Variants in OSBPL6 observed in about 807,000 individuals in gnomAD.
OSBPL6 encodes the protein oxysterol-binding protein-related protein 6.
OSBPL6 carries 49 observed loss-of-function variants against 125.8 expected under a neutral mutation model. That is an observed-to-expected ratio of 0.39 (90% CI 0.31 to 0.49). The LOEUF (loss-of-function observed/expected upper bound fraction) is 0.49, where lower values mean the gene tolerates loss of function less well. OSBPL6 is among the 20% of genes least tolerant of loss of function. The pLI, the probability that OSBPL6 is intolerant of heterozygous loss-of-function variation, is 0.88. For missense variants in OSBPL6, 986 were observed against 1,135.4 expected (o/e 0.87, Z 1.89); for synonymous variants, 394 against 391.8 (o/e 1.01, Z -0.07).
intron 1 of OSBPL6, among the ~76,000 whole-genome samples, chr2:178,271,444 G>A (rs1207725533): frequency 6.6e-6 from 1 of 152,034 alleles, no homozygotes; most frequent in Non-Finnish European, 1.5e-5. Flanking sequence ...CTGACTCAAA[G>A]AGAAATTCGG....
intron 21 of OSBPL6, among the ~76,000 whole-genome samples, chr2:178,390,654 C>A (rs983499750): frequency 3.3e-5 from 5 of 152,296 alleles, no homozygotes; most frequent in African/African-American, 1.2e-4. Flanking sequence ...GGAAGGGCCA[C>A]TTGAGGGCCC....
chr2:178,225,312 C>CTGT (rs2090511351), intron 1 of OSBPL6, among the ~76,000 whole-genome samples: 1 of 151,876 alleles, frequency 6.6e-6, no homozygotes, highest in Admixed American at 6.6e-5. Context: ...ATACTCAGAA[C>CTGT]TGTTCTGAAG....
intron 21 of OSBPL6, 140 bp from the exon 22 acceptor site, chr2:178,390,932 TA>T: frequency 9.4e-7 from 1 of 1,062,808 alleles, no homozygotes. Flanking sequence ...GCCCTCCATA[TA>T]AAACGTTTTG....
intron 2 of OSBPL6, among the ~76,000 whole-genome samples, chr2:178,302,230 T>C (rs774893607): frequency 2.0e-5 from 3 of 152,226 alleles, no homozygotes; most frequent in Non-Finnish European, 2.9e-5. Flanking sequence ...AAAGGAAGAA[T>C]GAGACAGAAA....
At chr2:178,223,954 G>A (rs1379283598) in intron 1 of OSBPL6, among the ~76,000 whole-genome samples, 1 of 152,220 alleles carries the variant, frequency 6.6e-6, no homozygotes, top group African/African-American at 2.4e-5. Flanking sequence ...AAACACACTT[G>A]CCAGTCATCT....
Position 178,372,814 on chromosome 2 carries a change from C to T in OSBPL6, c.1395+581C>T, listed in dbSNP as rs747439886. On this transcript the variant is annotated intron_variant, in intron 14 of 24. Transcript: ENST00000190611. ...TTATCTCATTTGACACTCTCAACAA[C>T]GCTCTGTTAGGTGGTATTATTATTC... Among the ~76,000 whole-genome samples the T allele has an allele frequency of 1.5e-4, 23 of 152,156 alleles. 1 individual carries two copies. Among genetic ancestry groups the T allele is most frequent in the African/African-American group, 4.3e-4 (18 of 41,442 alleles).
intron 13 of OSBPL6, among the ~76,000 whole-genome samples, chr2:178,368,950 C>A (rs563085413): frequency 5.3e-4 from 80 of 152,110 alleles, no homozygotes; most frequent in African/African-American, 1.9e-3. Context: ...GCGTGTGCCA[C>A]CTCACCCAGC....
At chr2:178,312,139 G>A (rs1178813815) in intron 3 of OSBPL6, among the ~76,000 whole-genome samples, 2 of 146,476 alleles carry the variant, frequency 1.4e-5, no homozygotes, top group African/African-American at 5.1e-5. Context: ...GCACCACCAC[G>A]CCCAGCTGAT....
intron 15 of OSBPL6, among the ~76,000 whole-genome samples, chr2:178,374,722 A>G (rs963629441): frequency 2.0e-5 from 3 of 152,216 alleles, no homozygotes; most frequent in Non-Finnish European, 4.4e-5. Flanking sequence ...TTGCAAATCT[A>G]TACTGCATTT....
chr2:178,222,467 C>T (rs1260799876), intron 1 of OSBPL6, among the ~76,000 whole-genome samples: 1 of 152,112 alleles, frequency 6.6e-6, no homozygotes, highest in Non-Finnish European at 1.5e-5. Context: ...CACGGTGAAA[C>T]CCCGTCTCTA....
chr2:178,354,266 G>A (rs966276702), intron 12 of OSBPL6, among the ~76,000 whole-genome samples: 7 of 152,136 alleles, frequency 4.6e-5, no homozygotes, highest in Non-Finnish European at 8.8e-5. Flanking sequence ...TGGGCTAAAT[G>A]CCCCAATTAA....
intron 3 of OSBPL6, among the ~76,000 whole-genome samples, chr2:178,322,267 A>G (rs1559243281): frequency 1.3e-5 from 2 of 152,100 alleles, no homozygotes; most frequent in East Asian, 3.9e-4. Flanking sequence ...ACAGTTGGTG[A>G]TGTATCTGTG....
intron 1 of OSBPL6, among the ~76,000 whole-genome samples, chr2:178,218,993 T>A (rs570277858): frequency 8.2e-4 from 125 of 152,244 alleles, no homozygotes; most frequent in African/African-American, 2.6e-3. Context: ...GCTTTTTTTT[T>A]ATTCTCTCCA....
intron 1 of OSBPL6, among the ~76,000 whole-genome samples, chr2:178,228,131 C>T (rs2090640305): frequency 6.6e-6 from 1 of 152,208 alleles, no homozygotes; most frequent in Non-Finnish European, 1.5e-5. Flanking sequence ...AGGATATAGA[C>T]TAAGCAGCAC....
intron 1 of OSBPL6, among the ~76,000 whole-genome samples, chr2:178,274,307 AT>A (rs373465330): frequency 0.014 from 1,899 of 139,718 alleles, 13 homozygotes; most frequent in African/African-American, 0.025. Flanking sequence ...GGCGAGGTCA[AT>A]TTTTTTTTTT....
intron 2 of OSBPL6, among the ~76,000 whole-genome samples, chr2:178,285,649 G>A (rs1325535300): frequency 6.6e-6 from 1 of 152,156 alleles, no homozygotes; most frequent in Non-Finnish European, 1.5e-5. Flanking sequence ...GATATTTGTG[G>A]TTATTATTTT....
At chr2:178,270,179 C>A (rs867632854) in intron 1 of OSBPL6, among the ~76,000 whole-genome samples, 4 of 152,136 alleles carry the variant, frequency 2.6e-5, no homozygotes, top group African/African-American at 7.2e-5. Flanking sequence ...AGCAATCAGG[C>A]AGTTAATGCT....
intron 1 of OSBPL6, among the ~76,000 whole-genome samples, chr2:178,195,112 G>C (rs115976740): frequency 0.031 from 4,649 of 152,298 alleles, 98 homozygotes; most frequent in South Asian, 0.088. Context: ...GCGCGGGTGA[G>C]AGCGCCCGCG....
At chr2:178,353,295 C>A (rs896984753) in intron 12 of OSBPL6, among the ~76,000 whole-genome samples, 2 of 152,200 alleles carry the variant, frequency 1.3e-5, no homozygotes, top group African/African-American at 4.8e-5. Context: ...TAACAAACTT[C>A]TCCGAGTTAA....
Sources: gnomAD v4.1 joint callset for allele counts (sites outside exome capture counted in the v4.1 genomes callset) on GRCh38, gnomAD v4.1.1 for gene constraint, MANE v1.5 for transcripts, NCBI Gene and HGNC (gene_info 2026-07-23, HGNC 2026-07-21) for gene names.